The following MTCL1 variants were observed in gnomAD, a reference collection of about 807,000 sequenced individuals.
MTCL1 encodes microtubule crosslinking factor 1.
In MTCL1, 79 loss-of-function variants were observed where a neutral mutation model predicts 141.4. The ratio of observed to expected loss-of-function variants is 0.56; its 90% confidence interval spans 0.47 to 0.67. The LOEUF (loss-of-function observed/expected upper bound fraction) is 0.67. Among genes scored for constraint, MTCL1 ranks in the 30% least tolerant of loss-of-function variants. MTCL1 has a pLI of 0.00. For missense variants in MTCL1, 2,177 were observed against 2,113.9 expected, an observed-to-expected ratio of 1.03 and a Z score of -0.59; for synonymous variants, 914 against 875.8, an observed-to-expected ratio of 1.04 and a Z score of -0.77.
At chr18:8,793,254 G>C (rs1235382747) in intron 8 of MTCL1, 134 bp downstream of exon 7, 1 of 1,247,070 alleles carries the variant, frequency 8.0e-7, no homozygotes, top group Non-Finnish European at 1.1e-6. Context: ...CGTATGGAAA[G>C]GTCACCCAGT....
chr18:8,831,169 C>G, intron 16 of MTCL1: 3 of 991,250 alleles, frequency 3.0e-6, no homozygotes, highest in Non-Finnish European at 3.6e-6. Context: ...TTGTGGGCTC[C>G]CAGTAGATCC....
At position 8,718,549 on chromosome 18, in the gene MTCL1, GC is replaced by G; in HGVS notation, c.100del (p.Gln34SerfsTer12). The G allele has an allele frequency of 6.2e-7, 1 of 1,614,194 alleles. No homozygotes were observed. Among genetic ancestry groups the G allele is most frequent in the Non-Finnish European group, 8.5e-7 (1 of 1,180,032 alleles). ...GCGCTAATAAAAACTGCCGAATCCT[GC>G]AGTACCGTCTTCGGAAAGCCGAGCA... is the stretch of plus-strand genomic sequence containing the variant. On this transcript the variant is annotated frameshift_variant, in exon 3 of 17. Transcript: ENST00000359865. LOFTEE classifies it high-confidence loss of function.
rs895413590 is a variant in MTCL1 at position 8,831,796 on chromosome 18, C to T, written c.*208C>T. 9.0e-6 allele frequency: 14 copies of T among 1,550,030 alleles called. No individual in the cohort carries two copies. The African/African-American group carries it at 1.4e-4, about 15-fold the overall frequency. ...GGAGCCGCCCGAGGAGCAGCCACAC[C>T]GAGATGCAAGCTTGCATGGATTATC... On this transcript the variant is annotated 3_prime_UTR_variant, in exon 17 of 17. Transcript: ENST00000359865.
exon 15 of MTCL1, chr18:8,826,087 T>A: frequency 6.2e-7 from 1 of 1,611,064 alleles, no homozygotes; most frequent in Non-Finnish European, 8.5e-7. Context: ...GGCTACACGC[T>A]CACTGAGAAC....
chr18:8,825,514 G>C (rs768616569), exon 15 of MTCL1: 5 of 1,612,094 alleles, frequency 3.1e-6, no homozygotes, highest in African/African-American at 1.3e-5. Flanking sequence ...GAAGCCCTGC[G>C]TGGCAGCGGT....
chr18:8,788,417 A>T (rs1237464637), intron 7 of MTCL1, among the ~76,000 whole-genome samples: 1 of 152,196 alleles, frequency 6.6e-6, no homozygotes, highest in Non-Finnish European at 1.5e-5. Context: ...ACTTTTCCAA[A>T]TTTAAGCAGA....
intron 7 of MTCL1, chr18:8,786,409 T>G (rs1598658710): frequency 3.6e-6 from 2 of 558,498 alleles, no homozygotes; most frequent in Non-Finnish European, 6.9e-6. Flanking sequence ...TCTTGTCCAG[T>G]CGCAGAGAAA....
intron 4 of MTCL1, 60 bp from the exon 4 acceptor site, chr18:8,777,773 C>T: frequency 6.6e-7 from 1 of 1,508,792 alleles, no homozygotes; most frequent in Non-Finnish European, 9.2e-7. Context: ...ACGATGTTTG[C>T]TAATGCTGGC....
At chr18:8,801,071 T>C (rs1370153570) in intron 10 of MTCL1, among the ~76,000 whole-genome samples, 1 of 152,188 alleles carries the variant, frequency 6.6e-6, no homozygotes, top group Non-Finnish European at 1.5e-5. Flanking sequence ...GGACCTCTGC[T>C]CCTTGTCGGG....
At chr18:8,825,547 G>A in exon 15 of MTCL1, 1 of 1,612,646 alleles carries the variant, frequency 6.2e-7, no homozygotes, top group Non-Finnish European at 8.5e-7. Flanking sequence ...CCCCACAAGT[G>A]TCTCACTCCA....
rs1366924247 is a variant in MTCL1 at position 8,810,842 on chromosome 18, C to A, written c.2605-2137C>A. ...CGTCACCACTGACCTGTGCCCGTGG[C>A]TGTCATCTGCTTCCTCAAGCCTTTC... is the stretch of plus-strand genomic sequence containing the variant. On this transcript the variant is annotated intron_variant, in intron 11 of 16. Coordinates refer to ENST00000359865, the Ensembl canonical transcript of MTCL1. The surrounding 1 kb of genome is among the most constrained non-coding windows in gnomAD (Gnocchi z 5.0). Among the ~76,000 whole-genome samples, 1 of 152,210 alleles carries A rather than the reference C, an allele frequency of 6.6e-6. No homozygotes were observed. The highest frequency in any genetic ancestry group is 2.4e-5 in the African/African-American group (1 of 41,450).
At chr18:8,778,372 GTATT>G (rs1442831911) in intron 5 of MTCL1, among the ~76,000 whole-genome samples, 16 of 152,218 alleles carry the variant, frequency 1.1e-4, no homozygotes, top group African/African-American at 3.9e-4. Context: ...TGCACAGTAT[GTATT>G]CTTCAAAACT....
intron 4 of MTCL1, among the ~76,000 whole-genome samples, chr18:8,759,167 C>T (rs565238659): frequency 6.6e-6 from 1 of 152,370 alleles, no homozygotes; most frequent in African/African-American, 2.4e-5. Flanking sequence ...CACGATGACG[C>T]TGAATGCTTC....
intron 12 of MTCL1, 116 bp downstream of exon 11, chr18:8,813,349 G>T: frequency 8.2e-7 from 1 of 1,220,920 alleles, no homozygotes; most frequent in Admixed American, 2.7e-5. Flanking sequence ...GGATGCATGG[G>T]CTTCCAAAGG....
exon 1 of MTCL1, chr18:8,706,362 C>A (rs925263452): frequency 1.6e-6 from 2 of 1,230,370 alleles, no homozygotes; most frequent in African/African-American, 3.1e-5. Flanking sequence ...GCAGCGACGC[C>A]GAATCCGGCA....
At chr18:8,761,223 A>G (rs2149001223) in intron 4 of MTCL1, among the ~76,000 whole-genome samples, 1 of 152,354 alleles carries the variant, frequency 6.6e-6, no homozygotes, top group Non-Finnish European at 1.5e-5. Flanking sequence ...GCAATAAATC[A>G]TAGATTGCAC....
intron 4 of MTCL1, among the ~76,000 whole-genome samples, chr18:8,756,965 C>T (rs906660183): frequency 6.6e-6 from 1 of 152,098 alleles, no homozygotes; most frequent in Non-Finnish European, 1.5e-5. Flanking sequence ...CTGCAGACAC[C>T]CTAGTGATGA....
Position 8,800,332 on chromosome 18 carries a change from G to A in MTCL1, c.2436+2041G>A, listed in dbSNP as rs539457655. On this transcript the variant is annotated intron_variant, in intron 10 of 16. Transcript: ENST00000359865. ...AGCCAAGCCGTTTTCCCAAGGACAA[G>A]TTCTCAGTCACAGTATTCCTCAGGC... 3.3e-5 allele frequency: 5 copies of A among 152,380 alleles called. No individual in the cohort carries two copies. The South Asian group carries it at 6.2e-4, about 19-fold the overall frequency. The allele number at this position is 152,380 out of a possible 1,614,324, so 9.4% of individuals were successfully genotyped here.
exon 13 of MTCL1, chr18:8,819,249 G>A (rs766629891): frequency 9.3e-6 from 15 of 1,614,000 alleles, no homozygotes; most frequent in South Asian, 5.5e-5. Context: ...TTCAGGAACC[G>A]CCTCCCTGAG....
Sources: allele counts gnomAD v4.1 joint callset (sites outside exome capture counted in the v4.1 genomes callset), GRCh38; gene constraint gnomAD v4.1.1; non-coding constraint Gnocchi (gnomAD v3.1); transcripts MANE v1.5; gene names NCBI Gene and HGNC (gene_info 2026-07-23, HGNC 2026-07-21).